Variants in CDH13 observed in about 807,000 individuals in gnomAD.
The protein encoded by CDH13 is cadherin-13.
In CDH13, 24 loss-of-function variants were observed where a neutral mutation model predicts 63.8. The observed-to-expected ratio is 0.38, with a 90% confidence interval of 0.27 to 0.53. The LOEUF (loss-of-function observed/expected upper bound fraction) is 0.53. CDH13 is among the 20% of genes least tolerant of loss of function. The pLI, the probability that CDH13 is intolerant of heterozygous loss-of-function variation, is 0.85. For synonymous variants in CDH13, 503 were observed against 355.3 expected, an observed-to-expected ratio of 1.42 and a Z score of -4.67; for missense variants, 1,049 against 903.1, an observed-to-expected ratio of 1.16 and a Z score of -2.07.
chr16:83,181,711 G>A (rs1439338445), intron 4 of CDH13, among the ~76,000 whole-genome samples: 1 of 152,132 alleles, frequency 6.6e-6, no homozygotes, highest in Admixed American at 6.5e-5. Context: ...AACCTGGGGT[G>A]TTCACCCTTG....
intron 1 of CDH13, among the ~76,000 whole-genome samples, chr16:82,813,383 A>G (rs1037660869): frequency 6.6e-6 from 1 of 152,144 alleles, no homozygotes; most frequent in Non-Finnish European, 1.5e-5. Flanking sequence ...TAACCCCTGC[A>G]TCCAAGAGCT....
chr16:82,868,149 A>G (rs1329162931), intron 2 of CDH13, among the ~76,000 whole-genome samples: 2 of 152,180 alleles, frequency 1.3e-5, no homozygotes, highest in African/African-American at 2.4e-5. Context: ...CAAGTAGTAT[A>G]TTTGTTTTAA....
intron 10 of CDH13, among the ~76,000 whole-genome samples, chr16:83,727,777 C>G (rs1438179925): frequency 6.6e-6 from 1 of 152,098 alleles, no homozygotes; most frequent in Non-Finnish European, 1.5e-5. Flanking sequence ...TTGGGAATGA[C>G]AGATCCCTTG....
chr16:83,238,584 A>T (rs1274338920), intron 5 of CDH13, among the ~76,000 whole-genome samples: 1 of 152,088 alleles, frequency 6.6e-6, no homozygotes. Flanking sequence ...TGTGTGATGG[A>T]TTTCTATGTC....
intron 7 of CDH13, among the ~76,000 whole-genome samples, chr16:83,543,281 C>G (rs1000542692): frequency 6.6e-6 from 1 of 152,186 alleles, no homozygotes; most frequent in Non-Finnish European, 1.5e-5. Flanking sequence ...ACATAGCTGT[C>G]ACTCCTCATT....
At chr16:83,605,128 C>G (rs61321191) in intron 8 of CDH13, among the ~76,000 whole-genome samples, 2,751 of 152,204 alleles carry the variant, frequency 0.018, 108 homozygotes, top group African/African-American at 0.063. Flanking sequence ...CCTGTAAATA[C>G]CAGCAAAAGC....
At chr16:83,793,565 G>C (rs1429882081) in intron 13 of CDH13, among the ~76,000 whole-genome samples, 2 of 152,068 alleles carry the variant, frequency 1.3e-5, no homozygotes, top group Admixed American at 1.3e-4. Context: ...TTTTCCTCTG[G>C]GAACACAATG....
At chr16:83,239,888 G>A (rs558425912) in intron 5 of CDH13, among the ~76,000 whole-genome samples, 1 of 152,252 alleles carries the variant, frequency 6.6e-6, no homozygotes, top group Admixed American at 6.5e-5. Context: ...GCTGGAGGAG[G>A]TGCATGATAT....
chr16:83,084,155 A>G (rs552692984), intron 3 of CDH13, among the ~76,000 whole-genome samples: 2 of 152,354 alleles, frequency 1.3e-5, no homozygotes, highest in East Asian at 3.9e-4. Flanking sequence ...TAAATTGCTT[A>G]TCTTTGGCTT....
chr16:83,624,517 C>G (rs1381337326), intron 8 of CDH13, among the ~76,000 whole-genome samples: 1 of 152,096 alleles, frequency 6.6e-6, no homozygotes, highest in Non-Finnish European at 1.5e-5. Flanking sequence ...CAGCCTGGAT[C>G]CCTCTCATTC....
At chr16:82,779,315 C>G (rs563030525) in intron 1 of CDH13, among the ~76,000 whole-genome samples, 97 of 152,278 alleles carry the variant, frequency 6.4e-4, no homozygotes, top group Non-Finnish European at 7.2e-4. Context: ...AATCTGTGGT[C>G]TCTACCAGTG....
At chr16:83,025,840 G>T (rs573225405) in intron 2 of CDH13, among the ~76,000 whole-genome samples, 1 of 152,254 alleles carries the variant, frequency 6.6e-6, no homozygotes, top group African/African-American at 2.4e-5. Context: ...ATAATGTAAG[G>T]TCCTGGTTCC....
chr16:82,847,248 G>A (rs981032437), intron 1 of CDH13, among the ~76,000 whole-genome samples: 2 of 152,212 alleles, frequency 1.3e-5, no homozygotes, highest in African/African-American at 2.4e-5. Context: ...CACAAATTTA[G>A]CAATTTAAAA....
intron 3 of CDH13, among the ~76,000 whole-genome samples, chr16:83,106,304 C>T (rs1327689783): frequency 6.6e-6 from 1 of 152,094 alleles, no homozygotes; most frequent in African/African-American, 2.4e-5. Flanking sequence ...CTTTGGGAGG[C>T]CAAGGCAAGT....
At chr16:83,357,016 T>A (rs150542986) in intron 6 of CDH13, among the ~76,000 whole-genome samples, 2 of 152,328 alleles carry the variant, frequency 1.3e-5, no homozygotes, top group South Asian at 2.1e-4. Flanking sequence ...TTATCTCCTA[T>A]GATACTAGTT....
intron 2 of CDH13, among the ~76,000 whole-genome samples, chr16:83,031,116 A>T (rs909949222): frequency 6.7e-6 from 1 of 150,056 alleles, no homozygotes; most frequent in African/African-American, 2.4e-5. Context: ...ATATGTGTAC[A>T]TGTATACATT....
intron 2 of CDH13, among the ~76,000 whole-genome samples, chr16:82,896,208 C>T (rs928218279): frequency 1.3e-5 from 2 of 149,626 alleles, no homozygotes; most frequent in Non-Finnish European, 3.0e-5. Flanking sequence ...ATTTCCAGCA[C>T]TTCTTACAAC....
chr16:82,784,734 C>A (rs1405934727), intron 1 of CDH13, among the ~76,000 whole-genome samples: 1 of 152,114 alleles, frequency 6.6e-6, no homozygotes, highest in African/African-American at 2.4e-5. Context: ...GAGGAGGTTT[C>A]TGGGAAACAG....
At chr16:83,482,761 T>C (rs986881695) in intron 6 of CDH13, among the ~76,000 whole-genome samples, 4 of 152,098 alleles carry the variant, frequency 2.6e-5, no homozygotes, top group African/African-American at 4.8e-5. Context: ...TGTGCACGTG[T>C]GTGTGTGTTG....
Sources: gnomAD v4.1 joint callset for allele counts (sites outside exome capture counted in the v4.1 genomes callset) on GRCh38, gnomAD v4.1.1 for gene constraint, MANE v1.5 for transcripts, NCBI Gene and HGNC (gene_info 2026-07-23, HGNC 2026-07-21) for gene names.